Variants in PLCE1 observed in about 807,000 individuals in gnomAD.
PLCE1 encodes the protein 1-phosphatidylinositol 4,5-bisphosphate phosphodiesterase epsilon-1.
In PLCE1, 119 loss-of-function variants were observed where a neutral mutation model predicts 242.8. That is an observed-to-expected ratio of 0.49 (90% CI 0.42 to 0.57). The LOEUF (loss-of-function observed/expected upper bound fraction) is 0.57. Ranked by LOEUF, PLCE1 falls within the 20% of genes least tolerant of loss-of-function variation. The pLI, the probability that PLCE1 is intolerant of heterozygous loss-of-function variation, is 0.00. For missense variants in PLCE1, 2,441 were observed against 2,788.8 expected, an observed-to-expected ratio of 0.88 and a Z score of 2.81; for synonymous variants, 945 against 1,017.4, an observed-to-expected ratio of 0.93 and a Z score of 1.35.
intron 2 of PLCE1, among the ~76,000 whole-genome samples, chr10:94,038,099 A>G (rs2134591441): frequency 6.6e-6 from 1 of 152,276 alleles, no homozygotes; most frequent in African/African-American, 2.4e-5. Context: ...TGTATTTTGC[A>G]GACCAGAGAC....
chr10:94,221,159 A>T (rs1046793698), intron 4 of PLCE1, among the ~76,000 whole-genome samples: 1 of 152,202 alleles, frequency 6.6e-6, no homozygotes, highest in Non-Finnish European at 1.5e-5. Flanking sequence ...CTGAAAATGC[A>T]AATTATTGAT....
chr10:94,209,846 G>A (rs2049276879), intron 4 of PLCE1, among the ~76,000 whole-genome samples: 1 of 152,082 alleles, frequency 6.6e-6, no homozygotes, highest in African/African-American at 2.4e-5. Flanking sequence ...TTCAACTGTG[G>A]GCTTAAGTAT....
chr10:94,094,122 T>C (rs1373032612), intron 2 of PLCE1, among the ~76,000 whole-genome samples: 1 of 149,380 alleles, frequency 6.7e-6, no homozygotes, highest in Non-Finnish European at 1.5e-5. Context: ...TTTGTATTTT[T>C]AGTAGAGACG....
rs555436058 is a variant in PLCE1, at chr10:94,322,336, G to C, written c.6501+277G>C. Reference sequence around the variant, plus strand: ...CCACTGCACTGCAGCCTGGATGACAGAGTGAGGCCCTGTCTCTAATTGAAA... The same window carrying C: ...CCACTGCACTGCAGCCTGGATGACACAGTGAGGCCCTGTCTCTAATTGAAA... On this transcript the variant is annotated intron_variant, in intron 30 of 32. Transcript: ENST00000371380. Among the ~76,000 whole-genome samples, 7 of 151,866 alleles carry C rather than the reference G, an allele frequency of 4.6e-5. No homozygotes were observed. In the South Asian group the frequency reaches 1.5e-3, roughly 32 times the overall value.
At chr10:94,206,992 A>G (rs1384412772) in intron 4 of PLCE1, among the ~76,000 whole-genome samples, 1 of 152,264 alleles carries the variant, frequency 6.6e-6, no homozygotes, top group Non-Finnish European at 1.5e-5. Flanking sequence ...AAATGCTTTA[A>G]TAAAAGGTCA....
rs541256592 is a variant in PLCE1, at chr10:94,296,084, C to T, written c.5168-2295C>T. ...TTACAATAAAAAGTTGTTGTTTGGCCGGGTGTGGTGGCTCATGCCTGTAAT... is the reference window on the plus strand; with the variant it reads ...TTACAATAAAAAGTTGTTGTTTGGCTGGGTGTGGTGGCTCATGCCTGTAAT... On this transcript the variant is annotated intron_variant, in intron 23 of 32. Transcript: ENST00000371380. Among the ~76,000 whole-genome samples, 5 of 152,142 alleles carry T rather than the reference C, an allele frequency of 3.3e-5. No homozygotes were observed. In the East Asian group the frequency reaches 5.8e-4, roughly 18 times the overall value.
Position 94,147,008 on chromosome 10 carries a change from C to T in PLCE1, c.1492+14549C>T, listed in dbSNP as rs547085113. On this transcript the variant is annotated intron_variant, in intron 3 of 32. Transcript: ENST00000371380. ...TTTCTATTTTCAATATCCTTTGTCA[C>T]TCTTTCCAGCCTCACGATCTAGTTT... is the stretch of plus-strand genomic sequence containing the variant. 8.5e-5 allele frequency among the ~76,000 whole-genome samples: 13 copies of T among 152,312 alleles called. No individual in the cohort carries two copies. In the East Asian group the frequency reaches 2.5e-3, roughly 29 times the overall value.
At chr10:94,017,739 G>T (rs921972754) in intron 1 of PLCE1, among the ~76,000 whole-genome samples, 1 of 152,178 alleles carries the variant, frequency 6.6e-6, no homozygotes, top group Non-Finnish European at 1.5e-5. Flanking sequence ...ACGGCTTTGT[G>T]GGGGAATCTC....
intron 19 of PLCE1, among the ~76,000 whole-genome samples, chr10:94,275,648 C>T (rs887849452): frequency 2.0e-5 from 3 of 152,062 alleles, no homozygotes; most frequent in Non-Finnish European, 4.4e-5. Flanking sequence ...CAAGCCTGGG[C>T]AACATATCAA....
chr10:94,125,419 G>T (rs2046409346), intron 2 of PLCE1, among the ~76,000 whole-genome samples: 1 of 151,698 alleles, frequency 6.6e-6, no homozygotes, highest in Admixed American at 6.6e-5. Flanking sequence ...TTGAGACAGA[G>T]TCTCGCTTTG....
At position 94,265,662 on chromosome 10, in the gene PLCE1, A is replaced by C; in HGVS notation, c.4069A>C (p.Ile1357Leu). The change falls in exon 15 of 33, where the codon ATC (isoleucine) becomes CTC (leucine). Residue 1357 changes from isoleucine to leucine, a missense_variant. Physicochemically the swap from Ile to Leu is conservative, Grantham distance 5 (BLOSUM62 2). Transcript: ENST00000371380. ...TCCCTTGCAGAAGTTCGAGCCTAGCATCAGTATGTGTCATCAGGGACTAAT... is the reference window on the plus strand; with the variant it reads ...TCCCTTGCAGAAGTTCGAGCCTAGCCTCAGTATGTGTCATCAGGGACTAAT... ...LSIIQKFEPS[I>L]SMCHQGLMSF... 6.2e-7 allele frequency: 1 copy of C among 1,613,950 alleles called. No individual in the cohort carries two copies. Among genetic ancestry groups the C allele is most frequent in the Non-Finnish European group, 8.5e-7 (1 of 1,179,876 alleles).
intron 2 of PLCE1, among the ~76,000 whole-genome samples, chr10:94,061,568 G>A (rs1347682202): frequency 2.0e-5 from 3 of 152,224 alleles, no homozygotes; most frequent in Admixed American, 2.0e-4. Context: ...ATAATGCACT[G>A]TCTAGGTGTG....
At chr10:94,002,511 A>G (rs980166418) in intron 1 of PLCE1, among the ~76,000 whole-genome samples, 1 of 152,226 alleles carries the variant, frequency 6.6e-6, no homozygotes, top group Non-Finnish European at 1.5e-5. Flanking sequence ...CCCATTTAGG[A>G]GATACTCATT....
At chr10:94,006,021 C>T (rs949320488) in intron 1 of PLCE1, among the ~76,000 whole-genome samples, 1 of 152,190 alleles carries the variant, frequency 6.6e-6, no homozygotes, top group Non-Finnish European at 1.5e-5. Context: ...GCCCATTCTG[C>T]CTTCTAAATA....
chr10:94,203,587 C>G (rs2049048627), intron 4 of PLCE1, among the ~76,000 whole-genome samples: 1 of 152,168 alleles, frequency 6.6e-6, no homozygotes, highest in Admixed American at 6.5e-5. Flanking sequence ...TCAGGAACAC[C>G]TTCATTCCCA....
At chr10:94,080,124 G>T (rs2044614787) in intron 2 of PLCE1, among the ~76,000 whole-genome samples, 1 of 151,826 alleles carries the variant, frequency 6.6e-6, no homozygotes, top group Admixed American at 6.6e-5. Flanking sequence ...AGTTCTCTCT[G>T]GTACTTTGGT....
rs575908276 is a variant in PLCE1 at position 94,255,541 on chromosome 10, A to T, written c.3554+492A>T. On this transcript the variant is annotated intron_variant, in intron 11 of 32. Coordinates refer to ENST00000371380, the MANE Select transcript of PLCE1 (RefSeq NM_016341.4). ...CGAAGAAGAGAGAATAGATTGTTTTAATGTAAACTATTTGGCCCCTTTGCT... is the reference window on the plus strand; with the variant it reads ...CGAAGAAGAGAGAATAGATTGTTTTTATGTAAACTATTTGGCCCCTTTGCT... Among the ~76,000 whole-genome samples the T allele has an allele frequency of 2.9e-3, 441 of 152,286 alleles. 2 individuals carry two copies. The highest frequency in any genetic ancestry group is 4.9e-3 in the Non-Finnish European group (330 of 68,030).
intron 22 of PLCE1, 115 bp from the exon 23 acceptor site, chr10:94,293,393 G>A: frequency 8.6e-7 from 1 of 1,167,906 alleles, no homozygotes. Flanking sequence ...TAGGGTTTCT[G>A]TACTAGGTTC....
At chr10:94,304,676 G>A (rs779057153) in intron 25 of PLCE1, 31 bp downstream of exon 25, 2 of 1,610,756 alleles carry the variant, frequency 1.2e-6, no homozygotes, top group East Asian at 2.2e-5. Flanking sequence ...AAGAACATAA[G>A]GTCGGGTTTA....
Sources: allele counts gnomAD v4.1 joint callset (sites outside exome capture counted in the v4.1 genomes callset), GRCh38; gene constraint gnomAD v4.1.1; transcripts MANE v1.5; gene names NCBI Gene and HGNC (gene_info 2026-07-23, HGNC 2026-07-21).